The following RALYL variants were observed in gnomAD, a reference collection of about 807,000 sequenced individuals.
RALYL encodes the protein RALY RNA binding protein like, also known as RNA-binding Raly-like protein.
A neutral mutation model predicts 35.1 loss-of-function variants in RALYL; 29 were observed. That is an observed-to-expected ratio of 0.83 (90% CI 0.61 to 1.13). RALYL has a LOEUF of 1.13. RALYL is among the 50% of genes most tolerant of loss of function. RALYL has a pLI of 0.00. For missense variants in RALYL, 359 were observed against 360.4 expected, an observed-to-expected ratio of 1.00 and a Z score of 0.03; for synonymous variants, 120 against 127.6, an observed-to-expected ratio of 0.94 and a Z score of 0.40.
At chr8:84,324,779 C>G (rs16912690) in intron 1 of RALYL, among the ~76,000 whole-genome samples, 7,189 of 152,014 alleles carry the variant, frequency 0.047, 267 homozygotes, top group African/African-American at 0.083. Flanking sequence ...TATCACTTGA[C>G]GAATCAGGTT....
At chr8:84,883,782 T>A (rs1329915984) in intron 7 of RALYL, among the ~76,000 whole-genome samples, 2 of 151,984 alleles carry the variant, frequency 1.3e-5, no homozygotes, top group Non-Finnish European at 2.9e-5. Context: ...TTCTTAATGA[T>A]CAGTAGGGGC....
At chr8:84,496,459 A>T (rs1009645659) in intron 1 of RALYL, among the ~76,000 whole-genome samples, 1 of 152,044 alleles carries the variant, frequency 6.6e-6, no homozygotes, top group Non-Finnish European at 1.5e-5. Flanking sequence ...CCCCCTTGTA[A>T]TTCTGGTTTG....
At chr8:84,774,541 A>G (rs1816365609) in intron 2 of RALYL, 38 bp from the exon 3 acceptor site, 1 of 1,346,718 alleles carries the variant, frequency 7.4e-7, no homozygotes, top group Non-Finnish European at 1.0e-6. Flanking sequence ...ATGGTTTCGT[A>G]TTTTCTTAAT....
intron 1 of RALYL, among the ~76,000 whole-genome samples, chr8:84,219,663 A>C (rs1484738252): frequency 6.6e-6 from 1 of 151,986 alleles, no homozygotes; most frequent in African/African-American, 2.4e-5. Context: ...AGAGAAATGG[A>C]TGAGAATGCA....
chr8:84,655,104 T>C (rs951288484), intron 2 of RALYL, among the ~76,000 whole-genome samples: 3 of 152,134 alleles, frequency 2.0e-5, no homozygotes, highest in African/African-American at 7.2e-5. Context: ...CCAGGATTCA[T>C]TATTGCCTAG....
At chr8:84,781,718 G>A (rs1382327224) in intron 3 of RALYL, among the ~76,000 whole-genome samples, 4 of 152,120 alleles carry the variant, frequency 2.6e-5, no homozygotes, top group Admixed American at 2.6e-4. Context: ...GAGGTGGGCA[G>A]GTAGGATCAA....
At chr8:84,656,156 G>C (rs1829920340) in intron 2 of RALYL, among the ~76,000 whole-genome samples, 1 of 152,118 alleles carries the variant, frequency 6.6e-6, no homozygotes, top group South Asian at 2.1e-4. Flanking sequence ...CAGTATAACT[G>C]ATTATAAAAG....
intron 1 of RALYL, among the ~76,000 whole-genome samples, chr8:84,250,189 C>T (rs533562408): frequency 5.9e-5 from 9 of 152,012 alleles, no homozygotes; most frequent in Admixed American, 2.0e-4. Context: ...CGTCAAACAG[C>T]GGTTCACAAT....
chr8:84,851,457 G>A (rs1269081947), intron 5 of RALYL, among the ~76,000 whole-genome samples: 1 of 151,940 alleles, frequency 6.6e-6, no homozygotes, highest in African/African-American at 2.4e-5. Context: ...CAGAGATGAG[G>A]ATCAACTATA....
Position 84,437,946 on chromosome 8 carries a change from A to C in RALYL, c.-23-91353A>C, listed in dbSNP as rs556901889. On this transcript the variant is annotated intron_variant, in intron 1 of 8. Transcript: ENST00000521268. ...CTGCAAGCCAGTTAAACCTCTTTTCATTATCAATTACCTTGTCTCATGTAT... is the reference window on the plus strand; with the variant it reads ...CTGCAAGCCAGTTAAACCTCTTTTCCTTATCAATTACCTTGTCTCATGTAT... Among the ~76,000 whole-genome samples the C allele has an allele frequency of 1.2e-4, 18 of 152,260 alleles. No individual in the cohort carries two copies. In the South Asian group the frequency reaches 3.7e-3, roughly 32 times the overall value.
At chr8:84,614,126 T>A (rs533531259) in intron 2 of RALYL, among the ~76,000 whole-genome samples, 49 of 151,682 alleles carry the variant, frequency 3.2e-4, no homozygotes, top group African/African-American at 1.0e-3. Flanking sequence ...TAGTGTTTGT[T>A]AGCATCAATT....
At chr8:84,453,976 C>T (rs1278750911) in intron 1 of RALYL, among the ~76,000 whole-genome samples, 12 of 151,982 alleles carry the variant, frequency 7.9e-5, no homozygotes, top group African/African-American at 2.9e-4. Context: ...GAAAGGTGGG[C>T]AGATTTTATC....
chr8:84,664,469 G>C (rs1326690586), intron 2 of RALYL, among the ~76,000 whole-genome samples: 1 of 151,880 alleles, frequency 6.6e-6, no homozygotes, highest in Non-Finnish European at 1.5e-5. Context: ...CATGAGCATG[G>C]AATGTGTTTC....
chr8:84,824,943 A>G (rs1829343887), intron 4 of RALYL, among the ~76,000 whole-genome samples: 2 of 152,298 alleles, frequency 1.3e-5, no homozygotes, highest in Admixed American at 1.3e-4. Flanking sequence ...CAGCCTTCGG[A>G]AAGAATTCAT....
intron 1 of RALYL, among the ~76,000 whole-genome samples, chr8:84,209,653 C>T (rs948919901): frequency 6.6e-6 from 1 of 152,074 alleles, no homozygotes; most frequent in Non-Finnish European, 1.5e-5. Flanking sequence ...CTTAGGTTCA[C>T]CTGAGCCTAG....
chr8:84,320,942 G>A (rs777113852), intron 1 of RALYL, among the ~76,000 whole-genome samples: 2 of 151,982 alleles, frequency 1.3e-5, no homozygotes, highest in Non-Finnish European at 2.9e-5. Flanking sequence ...TTCCTACTTG[G>A]ACTTAATGAC....
chr8:84,654,454 GTTAC>G (rs1829562629), intron 2 of RALYL, among the ~76,000 whole-genome samples: 2 of 151,246 alleles, frequency 1.3e-5, no homozygotes, highest in Admixed American at 1.3e-4. Flanking sequence ...CAATTATTCT[GTTAC>G]TTATTTTTAA....
At chr8:84,221,268 A>T (rs1296217310) in intron 1 of RALYL, among the ~76,000 whole-genome samples, 1 of 147,762 alleles carries the variant, frequency 6.8e-6, no homozygotes, top group Non-Finnish European at 1.5e-5. Context: ...AGCTAATCTT[A>T]TAAGAAAATG....
chr8:84,900,300 G>T (rs755937718), intron 8 of RALYL, among the ~76,000 whole-genome samples: 2 of 152,140 alleles, frequency 1.3e-5, no homozygotes, highest in Non-Finnish European at 2.9e-5. Context: ...GGAAAATGGA[G>T]AAATCTAAAG....
Sources: allele counts gnomAD v4.1 joint callset (sites outside exome capture counted in the v4.1 genomes callset), GRCh38; gene constraint gnomAD v4.1.1; transcripts MANE v1.5; gene names NCBI Gene and HGNC (gene_info 2026-07-23, HGNC 2026-07-21).